The following C12orf75 variants were observed in gnomAD, a reference collection of about 807,000 sequenced individuals.
C12orf75 encodes chromosome 12 open reading frame 75, also known as overexpressed in colon carcinoma 1 protein.
Under a neutral mutation model 11.4 loss-of-function variants are expected in C12orf75, and 4 were observed. The observed-to-expected ratio is 0.35, with a 90% CI of 0.17 to 0.80. C12orf75 has a LOEUF of 0.80. Among genes scored for constraint, C12orf75 ranks in the 30% least tolerant of loss-of-function variants. C12orf75 has a pLI of 0.52. For missense variants in C12orf75, 89 were observed against 80.4 expected (o/e 1.11, Z -0.41); for synonymous variants, 30 against 30.0 (o/e 1.00, Z 0.00).
intron 1 of C12orf75, among the ~76,000 whole-genome samples, chr12:105,340,381 T>C (rs939906214): frequency 4.3e-5 from 6 of 139,654 alleles, no homozygotes; most frequent in African/African-American, 1.7e-4. Context: ...GCCGAGATCG[T>C]GCCACTGCAA....
chr12:105,338,239 A>T (rs1892520216), intron 1 of C12orf75, among the ~76,000 whole-genome samples: 1 of 152,076 alleles, frequency 6.6e-6, no homozygotes, highest in South Asian at 2.1e-4. Flanking sequence ...CAGTGGCATG[A>T]TCTCGGCTCA....
At chr12:105,364,936 G>A (rs1332439754) in intron 2 of C12orf75, among the ~76,000 whole-genome samples, 2 of 151,098 alleles carry the variant, frequency 1.3e-5, no homozygotes, top group African/African-American at 4.9e-5. Flanking sequence ...CCACCTCCCG[G>A]GTTCAAGGAT....
chr12:105,347,720 G>A (rs970060091), intron 1 of C12orf75, among the ~76,000 whole-genome samples: 1 of 152,164 alleles, frequency 6.6e-6, no homozygotes, highest in South Asian at 2.1e-4. Flanking sequence ...ACACAGCCAG[G>A]AATAATACTT....
At chr12:105,338,811 A>C (rs555007007) in intron 1 of C12orf75, among the ~76,000 whole-genome samples, 12 of 152,256 alleles carry the variant, frequency 7.9e-5, no homozygotes, top group African/African-American at 2.9e-4. Flanking sequence ...ACTTGTTACC[A>C]CCAGCCATTC....
At chr12:105,359,685 C>T (rs1892833861) in intron 2 of C12orf75, among the ~76,000 whole-genome samples, 3 of 149,360 alleles carry the variant, frequency 2.0e-5, no homozygotes, top group African/African-American at 7.4e-5. Context: ...GTAGGAGAAT[C>T]GTTTGAACCC....
At chr12:105,367,630 G>GT in intron 5 of C12orf75, 121 bp downstream of exon 5, 1 of 318,468 alleles carries the variant, frequency 3.1e-6, no homozygotes. Flanking sequence ...TAAAGGAGGG[G>GT]TTTCATCCTA....
intron 2 of C12orf75, among the ~76,000 whole-genome samples, chr12:105,351,415 C>G (rs928092876): frequency 2.0e-5 from 3 of 152,054 alleles, no homozygotes; most frequent in Non-Finnish European, 4.4e-5. Flanking sequence ...TTTAAAAAAT[C>G]AATTCTCTAG....
chr12:105,366,757 A>G, intron 4 of C12orf75, 61 bp downstream of exon 4: 1 of 998,172 alleles, frequency 1.0e-6, no homozygotes, highest in South Asian at 1.4e-5. Context: ...TTTATGAAAA[A>G]GCATGAAATT....
chr12:105,331,981 C>T (rs893539953), intron 1 of C12orf75, among the ~76,000 whole-genome samples: 4 of 152,168 alleles, frequency 2.6e-5, no homozygotes, highest in African/African-American at 9.7e-5. Flanking sequence ...ATCCCTTAAC[C>T]CAGACGCCGG....
chr12:105,370,202 G>C (rs776028184), intron 5 of C12orf75, among the ~76,000 whole-genome samples: 2 of 152,188 alleles, frequency 1.3e-5, no homozygotes, highest in Admixed American at 6.5e-5. Context: ...AAGTGATGGT[G>C]CTCAGATGAC....
At chr12:105,365,507 C>G (rs1378730279) in intron 2 of C12orf75, among the ~76,000 whole-genome samples, 3 of 152,206 alleles carry the variant, frequency 2.0e-5, no homozygotes, top group African/African-American at 7.2e-5. Flanking sequence ...AGGCTTCTTT[C>G]CAATTTCAGC....
At chr12:105,340,430 C>CAA (rs60658476) in intron 1 of C12orf75, among the ~76,000 whole-genome samples, 36,693 of 115,138 alleles carry the variant, frequency 0.32, 5,177 homozygotes, top group East Asian at 0.38. Flanking sequence ...GTGCCCCCGC[C>CAA]AAAAAAAAAA....
chr12:105,344,314 G>A (rs1432061437), intron 1 of C12orf75, among the ~76,000 whole-genome samples: 1 of 152,100 alleles, frequency 6.6e-6, no homozygotes, highest in East Asian at 1.9e-4. Flanking sequence ...ATAGGGATCC[G>A]ACTCCAGTCA....
intron 1 of C12orf75, among the ~76,000 whole-genome samples, chr12:105,332,746 A>AG (rs1892449381): frequency 1.4e-5 from 2 of 145,562 alleles, no homozygotes; most frequent in Admixed American, 6.9e-5. Context: ...AAAAAAAAAA[A>AG]AAAAGAAAAG....
rs748648545 is a variant in C12orf75, at chr12:105,366,710, T to C, written c.187+14T>C. Reference sequence around the variant, plus strand: ...CGGTTCGGAAAAGTAAGTGAAATCATGTGCTGTTGATTTTCCCTAATTATT... The same window carrying C: ...CGGTTCGGAAAAGTAAGTGAAATCACGTGCTGTTGATTTTCCCTAATTATT... On this transcript the variant is annotated intron_variant, in intron 4 of 5. Transcript: ENST00000443585. 1 of 1,388,660 alleles carries C rather than the reference T, an allele frequency of 7.2e-7. No homozygotes were observed. The highest frequency in any genetic ancestry group is 1.0e-6 in the Non-Finnish European group (1 of 1,001,150). 86.0% of individuals were successfully genotyped at this position (1,388,660 alleles called of 1,614,324 possible).
chr12:105,365,837 G>A lies in C12orf75; in HGVS notation c.102G>A (p.Lys34=). Residue 34 remains lysine (K), a synonymous_variant, in exon 3 of 6, where the codon AAG becomes AAA. Transcript: ENST00000443585. Reference sequence around the variant, plus strand: ...AAGAATCCGTAACAGAAGATGACAAGAGGAGGTATGTTTGGTATTGCAGCT... The same window carrying A: ...AAGAATCCGTAACAGAAGATGACAAAAGGAGGTATGTTTGGTATTGCAGCT... ...VTEESVTEDD[K]RRNYGGVYVG... is the part of the protein sequence containing the mutation. 1.9e-6 allele frequency: 3 copies of A among 1,548,450 alleles called. No individual in the cohort carries two copies. The highest frequency in any genetic ancestry group is 1.7e-6 in the Non-Finnish European group (2 of 1,144,048).
chr12:105,345,960 G>T (rs1173612030), intron 1 of C12orf75, among the ~76,000 whole-genome samples: 1 of 151,910 alleles, frequency 6.6e-6, no homozygotes, highest in Non-Finnish European at 1.5e-5. Flanking sequence ...CACCGTGCCC[G>T]GCCTAGCACT....
At position 105,371,385 on chromosome 12, in the gene C12orf75, G is replaced by T. The variant is rs1871623160; in HGVS notation, c.*785G>T. 2 of 152,242 alleles carry T rather than the reference G, an allele frequency of 1.3e-5. No individual in the cohort carries two copies. The highest frequency in any genetic ancestry group is 2.1e-4 in the South Asian group (1 of 4,812). The allele number at this position is 152,242 out of a possible 1,614,324, so 9.4% of individuals were successfully genotyped here. A position where few individuals can be genotyped will look rare whatever the true frequency, so the allele number is the denominator to read the frequency against. On this transcript the variant is annotated 3_prime_UTR_variant, in exon 6 of 6. Transcript: ENST00000443585. ...CATATTATTTCTATAACTTTTCAAGGACTTGCGATGGATGGTTAGTGGGAT... is the reference window on the plus strand; with the variant it reads ...CATATTATTTCTATAACTTTTCAAGTACTTGCGATGGATGGTTAGTGGGAT...
At chr12:105,349,373 G>A (rs1048909382) in intron 2 of C12orf75, among the ~76,000 whole-genome samples, 5 of 152,330 alleles carry the variant, frequency 3.3e-5, no homozygotes, top group Middle Eastern at 3.4e-3. Context: ...TTGCTCACAT[G>A]AGGCTTTCTG....
Sources: allele counts gnomAD v4.1 joint callset (sites outside exome capture counted in the v4.1 genomes callset), GRCh38; gene constraint gnomAD v4.1.1; transcripts MANE v1.5; gene names NCBI Gene and HGNC (gene_info 2026-07-23, HGNC 2026-07-21).